Variants in SHTN1 observed in about 807,000 individuals in gnomAD.
The protein encoded by SHTN1 is shootin 1.
Under a neutral mutation model 83.1 loss-of-function variants are expected in SHTN1, and 42 were observed. The observed-to-expected ratio is 0.51, with a 90% CI of 0.39 to 0.65. The LOEUF (loss-of-function observed/expected upper bound fraction) is 0.65, where lower values mean the gene tolerates loss of function less well. SHTN1 is among the 30% of genes least tolerant of loss of function. The pLI is 0.00. For synonymous variants in SHTN1, 224 were observed against 247.7 expected, an observed-to-expected ratio of 0.90 and a Z score of 0.90; for missense variants, 622 against 737.8, an observed-to-expected ratio of 0.84 and a Z score of 1.82.
chr10:117,103,036 C>T (rs1383675084), intron 1 of SHTN1, among the ~76,000 whole-genome samples: 2 of 152,096 alleles, frequency 1.3e-5, no homozygotes, highest in African/African-American at 2.4e-5. Context: ...AAAACTGAGG[C>T]CTTGTCTCAT....
intron 6 of SHTN1, among the ~76,000 whole-genome samples, chr10:116,949,412 G>A (rs531280492): frequency 5.3e-5 from 8 of 152,090 alleles, no homozygotes; most frequent in South Asian, 2.1e-4. Context: ...TTACAGGCGT[G>A]AGCCACCATA....
chr10:116,930,085 T>A, intron 9 of SHTN1, 83 bp from the exon 10 acceptor site: 1 of 940,750 alleles, frequency 1.1e-6, no homozygotes, highest in Non-Finnish European at 1.6e-6. Flanking sequence ...AAATAAATAT[T>A]TCCCTTTGAC....
chr10:116,963,976 T>TTG (rs375407210), intron 3 of SHTN1, among the ~76,000 whole-genome samples: 4,834 of 151,280 alleles, frequency 0.032, 103 homozygotes, highest in Non-Finnish European at 0.047. Context: ...GGTAACTGTT[T>TTG]TTTTTTTTTT....
chr10:116,922,264 GATATCACT>G (rs1368406098), intron 11 of SHTN1, among the ~76,000 whole-genome samples: 1 of 151,954 alleles, frequency 6.6e-6, no homozygotes, highest in East Asian at 1.9e-4. Context: ...ACCACACTGG[GATATCACT>G]ATACATTCAT....
At chr10:116,946,565 A>G (rs866836144) in intron 7 of SHTN1, among the ~76,000 whole-genome samples, 1 of 123,544 alleles carries the variant, frequency 8.1e-6, no homozygotes, top group Admixed American at 9.3e-5. Flanking sequence ...TGATTTATAT[A>G]TAAATATATA....
intron 2 of SHTN1, among the ~76,000 whole-genome samples, chr10:117,027,690 G>A (rs1852351237): frequency 6.6e-6 from 1 of 152,058 alleles, no homozygotes; most frequent in Non-Finnish European, 1.5e-5. Context: ...AGAAGAGACG[G>A]GGTTTCACCA....
chr10:116,912,773 C>G (rs1475278739), intron 13 of SHTN1, among the ~76,000 whole-genome samples: 1 of 152,130 alleles, frequency 6.6e-6, no homozygotes, highest in Non-Finnish European at 1.5e-5. Flanking sequence ...GTGAAAGGAA[C>G]CCCTTGAGCC....
chr10:116,960,932 T>A (rs922994577), intron 3 of SHTN1, among the ~76,000 whole-genome samples: 1 of 152,168 alleles, frequency 6.6e-6, no homozygotes, highest in African/African-American at 2.4e-5. Flanking sequence ...TTGTATTTTT[T>A]AGATTTTTTG....
chr10:117,011,758 G>C (rs1052545891), intron 2 of SHTN1, among the ~76,000 whole-genome samples: 1 of 151,912 alleles, frequency 6.6e-6, no homozygotes, highest in African/African-American at 2.4e-5. Context: ...CAAAATATGT[G>C]AAAGATCTAG....
chr10:117,021,463 T>TA (rs1375156639), intron 2 of SHTN1, among the ~76,000 whole-genome samples: 2 of 152,228 alleles, frequency 1.3e-5, no homozygotes, highest in Non-Finnish European at 2.9e-5. Flanking sequence ...AGAATTCTGA[T>TA]ACATTCTTAG....
At chr10:117,113,099 C>A (rs1201480872) in intron 1 of SHTN1, among the ~76,000 whole-genome samples, 3 of 152,184 alleles carry the variant, frequency 2.0e-5, no homozygotes, top group African/African-American at 4.8e-5. Flanking sequence ...GAGTTTTTAT[C>A]TAGAAACAAT....
rs990011508 is a variant in SHTN1 at position 116,885,013 on chromosome 10, G to A, written c.*1331C>T. On this transcript the variant is annotated 3_prime_UTR_variant, in exon 17 of 17. Coordinates refer to ENST00000355371, the MANE Select transcript of SHTN1 (RefSeq NM_001127211.3). ...ATAAAATCATTATTGGGAGAACATG[G>A]AAACAGTCAAGCATAACGAACTTAC... 1 of 152,468 alleles carries A rather than the reference G, an allele frequency of 6.6e-6. No individual in the cohort carries two copies. The highest frequency in any genetic ancestry group is 1.5e-5 in the Non-Finnish European group (1 of 68,032). The allele number at this position is 152,468 out of a possible 1,614,324, so 9.4% of individuals were successfully genotyped here. A position where few individuals can be genotyped will look rare whatever the true frequency, so the allele number is the denominator to read the frequency against.
chr10:117,034,042 A>G (rs1422302028), intron 2 of SHTN1, among the ~76,000 whole-genome samples: 6 of 151,604 alleles, frequency 4.0e-5, no homozygotes, highest in South Asian at 2.1e-4. Context: ...AATAAAAGCC[A>G]TATGTGACTT....
intron 1 of SHTN1, among the ~76,000 whole-genome samples, chr10:117,090,145 A>G (rs752563522): frequency 1.3e-5 from 2 of 152,220 alleles, no homozygotes; most frequent in Admixed American, 6.5e-5. Context: ...CTAACAGCCA[A>G]AAGAAAGAAG....
intron 1 of SHTN1, among the ~76,000 whole-genome samples, chr10:117,071,610 G>A (rs1314546368): frequency 6.6e-6 from 1 of 152,156 alleles, no homozygotes; most frequent in African/African-American, 2.4e-5. Flanking sequence ...GTTTTAGACC[G>A]TGAGATTCTT....
intron 2 of SHTN1, among the ~76,000 whole-genome samples, chr10:117,036,048 T>G (rs907277293): frequency 1.9e-4 from 29 of 151,738 alleles, no homozygotes; most frequent in African/African-American, 6.3e-4. Flanking sequence ...TCAACATCAC[T>G]GATCATCAGA....
intron 1 of SHTN1, among the ~76,000 whole-genome samples, chr10:117,056,629 G>A (rs1009850908): frequency 2.6e-5 from 4 of 152,236 alleles, no homozygotes; most frequent in Non-Finnish European, 5.9e-5. Flanking sequence ...GGCTAACACT[G>A]TGAAACCCCG....
chr10:117,062,733 T>A (rs554233386), intron 1 of SHTN1, among the ~76,000 whole-genome samples: 48 of 152,320 alleles, frequency 3.2e-4, no homozygotes, highest in African/African-American at 1.1e-3. Context: ...TAGGTTAATG[T>A]TGATAGATAT....
At chr10:116,888,916 C>T (rs952982656) in intron 16 of SHTN1, among the ~76,000 whole-genome samples, 7 of 152,210 alleles carry the variant, frequency 4.6e-5, no homozygotes, top group African/African-American at 1.7e-4. Flanking sequence ...AGCTGCAGCC[C>T]AGCTAAGGTT....
Sources: gnomAD v4.1 joint callset for allele counts (sites outside exome capture counted in the v4.1 genomes callset) on GRCh38, gnomAD v4.1.1 for gene constraint, MANE v1.5 for transcripts, NCBI Gene and HGNC (gene_info 2026-07-23, HGNC 2026-07-21) for gene names.